The following MTIF2 variants were observed in gnomAD, a reference collection of about 807,000 sequenced individuals.
MTIF2 encodes translation initiation factor IF-2, mitochondrial.
Under a neutral mutation model 83.5 loss-of-function variants are expected in MTIF2, and 71 were observed. The observed-to-expected ratio is 0.85, with a 90% CI of 0.70 to 1.04. MTIF2 has a LOEUF of 1.04. MTIF2 is among the 50% of genes least tolerant of loss of function. The pLI is 0.00. For missense variants in MTIF2, 957 were observed against 846.5 expected (o/e 1.13, Z -1.62); for synonymous variants, 319 against 287.1 (o/e 1.11, Z -1.12).
chr2:55,260,463 A>T (rs1013340897), intron 5 of MTIF2, among the ~76,000 whole-genome samples: 3 of 152,058 alleles, frequency 2.0e-5, no homozygotes, highest in Non-Finnish European at 4.4e-5. Context: ...GTAAGGATGT[A>T]CATGCACAAA....
intron 8 of MTIF2, among the ~76,000 whole-genome samples, chr2:55,250,291 T>C (rs945803707): frequency 6.6e-6 from 1 of 152,024 alleles, no homozygotes; most frequent in African/African-American, 2.4e-5. Flanking sequence ...TTGAAAAAAA[T>C]GTGTGTGTTA....
At position 55,263,843 on chromosome 2, in the gene MTIF2, G is replaced by GTAGC; in HGVS notation, c.12_15dup (p.Leu6AlafsTer15). Reference sequence around the variant, plus strand: ...AATCGTAGCAAGTTCTCCAACTTCAGTAGCTTCTGGTTCATGTTTCTCCTG... The same window carrying GTAGC: ...AATCGTAGCAAGTTCTCCAACTTCAGTAGCTAGCTTCTGGTTCATGTTTCTCCTG... On this transcript the variant is annotated frameshift_variant, in exon 4 of 16. Transcript: ENST00000263629. LOFTEE classifies it high-confidence loss of function. The GTAGC allele has an allele frequency of 6.2e-7, 1 of 1,612,664 alleles. No individual in the cohort carries two copies.
intron 5 of MTIF2, among the ~76,000 whole-genome samples, chr2:55,258,385 T>C (rs1677703725): frequency 6.6e-6 from 1 of 152,040 alleles, no homozygotes; most frequent in South Asian, 2.1e-4. Flanking sequence ...AAATTATGAG[T>C]TGGTCAGGCA....
intron 1 of MTIF2, 187 bp downstream of exon 1, chr2:55,268,982 G>A (rs1461160562): frequency 6.6e-6 from 1 of 152,166 alleles, no homozygotes; most frequent in African/African-American, 2.4e-5. Context: ...CGAGAGAACA[G>A]TGCACATGCC....
chr2:55,258,531 G>C (rs1677714800), intron 5 of MTIF2, among the ~76,000 whole-genome samples: 1 of 151,976 alleles, frequency 6.6e-6, no homozygotes, highest in Non-Finnish European at 1.5e-5. Context: ...TAGCAAGGCG[G>C]CTGGGCGCAG....
Position 55,236,789 on chromosome 2 carries a change from A to G in MTIF2, c.2043T>C (p.Asp681=). The G allele has an allele frequency of 1.2e-6, 2 of 1,607,218 alleles. No individual in the cohort carries two copies. The highest frequency in any genetic ancestry group is 8.5e-7 in the Non-Finnish European group (1 of 1,178,392). Residue 681 remains aspartate, a synonymous_variant, in exon 16 of 16, where the codon GAT becomes GAC. Coordinates refer to ENST00000263629, the MANE Select transcript of MTIF2 (RefSeq NM_002453.3). ...GSLTSLKHHK[D]DISIVKTGMD... is the part of the protein sequence containing the mutation. ...TTCCCGTTTTGACAATTGAAATGTC[A>G]TCTTTATGGTGTTTCAATGAGGTTA...
At chr2:55,260,881 A>C (rs563412291) in intron 5 of MTIF2, among the ~76,000 whole-genome samples, 1 of 152,352 alleles carries the variant, frequency 6.6e-6, no homozygotes, top group East Asian at 1.9e-4. Flanking sequence ...CAAAAATCCT[A>C]AATTGGTAAT....
At chr2:55,237,456 C>T (rs1313749536) in intron 14 of MTIF2, 28 bp from the exon 15 acceptor site, 2 of 1,561,506 alleles carry the variant, frequency 1.3e-6, no homozygotes, top group Non-Finnish European at 1.7e-6. Context: ...CATTAATGTG[C>T]AGAAAACTAA....
Position 55,252,650 on chromosome 2 carries a change from G to C in MTIF2, c.668C>G (p.Ser223Cys). 1.2e-6 allele frequency: 2 copies of C among 1,608,904 alleles called. No homozygotes were observed. The highest frequency in any genetic ancestry group is 1.7e-6 in the Non-Finnish European group (2 of 1,177,042). The change falls in exon 8 of 16, where the codon TCT (serine) becomes TGT (cysteine). Residue 223 changes from serine to cysteine, a missense_variant. Ser to Cys is a moderately radical substitution (Grantham distance 112, BLOSUM62 -1). This residue lies in a region of MTIF2 where 733 missense variants were observed against 648.7 expected (regional missense o/e 1.13). Coordinates refer to ENST00000263629, the MANE Select transcript of MTIF2 (RefSeq NM_002453.3). The stretch of plus-strand genomic sequence containing the variant: ...AGTTATCTTTTCCCCAGAAGGCAGA[G>C]AGACTGTGGAAACAGAAATTCAAGA... ...ITQHIGAFLV[S>C]LPSGEKITFL...
At chr2:55,247,253 A>G (rs749347584) in intron 9 of MTIF2, among the ~76,000 whole-genome samples, 7 of 152,220 alleles carry the variant, frequency 4.6e-5, no homozygotes, top group Non-Finnish European at 1.0e-4. Context: ...CAGTTGTTAC[A>G]AAGTATAAAA....
chr2:55,241,904 T>A (rs1479245589), intron 13 of MTIF2, among the ~76,000 whole-genome samples: 1 of 152,204 alleles, frequency 6.6e-6, no homozygotes, highest in South Asian at 2.1e-4. Flanking sequence ...TTCCAGCACT[T>A]TGGGAGGCCA....
chr2:55,236,776 C>A lies in MTIF2; in HGVS notation c.2056G>T (p.Val686Phe). The A allele has an allele frequency of 6.2e-7, 1 of 1,609,410 alleles. No individual in the cohort carries two copies. Among genetic ancestry groups the A allele is most frequent in the Non-Finnish European group, 8.5e-7 (1 of 1,178,832 alleles). The change falls in exon 16 of 16, where the codon GTC becomes TTC. Residue 686 changes from valine (V) to phenylalanine (F), a missense_variant. Transcript: ENST00000263629. Reference sequence around the variant, plus strand: ...AGACCACAATCCATTCCCGTTTTGACAATTGAAATGTCATCTTTATGGTGT... The same window carrying A: ...AGACCACAATCCATTCCCGTTTTGAAAATTGAAATGTCATCTTTATGGTGT... The part of the protein sequence containing the change: ...LKHHKDDISI[V>F]KTGMDCGLSL...
intron 13 of MTIF2, among the ~76,000 whole-genome samples, chr2:55,241,360 G>A (rs186200837): frequency 4.0e-4 from 59 of 149,018 alleles, no homozygotes; most frequent in Middle Eastern, 3.6e-3. Context: ...GGTGGGTGCG[G>A]TGAGCCAAGA....
At chr2:55,262,531 C>CTTT (rs531485959) in intron 4 of MTIF2, 104 bp from the exon 5 acceptor site, 7 of 327,982 alleles carry the variant, frequency 2.1e-5, no homozygotes, top group African/African-American at 1.2e-4. Flanking sequence ...ACATTTCTTT[C>CTTT]TTTTTTTTTC....
chr2:55,258,530 G>A (rs780499180), intron 5 of MTIF2, among the ~76,000 whole-genome samples: 3 of 152,030 alleles, frequency 2.0e-5, no homozygotes, highest in Admixed American at 6.6e-5. Context: ...TTAGCAAGGC[G>A]GCTGGGCGCA....
chr2:55,268,321 C>T (rs1678588497), intron 2 of MTIF2, among the ~76,000 whole-genome samples: 1 of 152,092 alleles, frequency 6.6e-6, no homozygotes, highest in Admixed American at 6.6e-5. Flanking sequence ...CTAAGAATGG[C>T]ACATGGAAAA....
chr2:55,245,725 G>A (rs182344745), intron 10 of MTIF2, among the ~76,000 whole-genome samples: 4 of 148,334 alleles, frequency 2.7e-5, no homozygotes, highest in Admixed American at 6.9e-5. Flanking sequence ...TAATAAATGG[G>A]ATGTTAGGTG....
At chr2:55,261,438 T>A (rs1281172549) in intron 5 of MTIF2, among the ~76,000 whole-genome samples, 1 of 150,236 alleles carries the variant, frequency 6.7e-6, no homozygotes, top group African/African-American at 2.5e-5. Flanking sequence ...AAACCCCGTC[T>A]CTACTAAAAA....
chr2:55,250,878 G>T (rs957313050), intron 8 of MTIF2, among the ~76,000 whole-genome samples: 1 of 152,090 alleles, frequency 6.6e-6, no homozygotes, highest in Non-Finnish European at 1.5e-5. Flanking sequence ...GACTTTGGGA[G>T]GTGGGTGGAT....
Sources: gnomAD v4.1 joint callset for allele counts (sites outside exome capture counted in the v4.1 genomes callset) on GRCh38, gnomAD v4.1.1 for gene constraint, gnomAD v4.1.1 regional missense constraint, MANE v1.5 for transcripts, NCBI Gene and HGNC (gene_info 2026-07-23, HGNC 2026-07-21) for gene names.